The following MUC5AC variants were observed in gnomAD, a reference collection of about 807,000 sequenced individuals.
MUC5AC encodes mucin 5AC, oligomeric mucus/gel-forming.
In MUC5AC, 158 loss-of-function variants were observed where a neutral mutation model predicts 169.7. The observed-to-expected ratio is 0.93, with a 90% CI of 0.82 to 1.06. MUC5AC has a LOEUF of 1.06. Among genes scored for constraint, MUC5AC ranks in the 50% least tolerant of loss-of-function variants. MUC5AC has a pLI of 0.00. For missense variants in MUC5AC, 4,359 were observed against 3,089.9 expected (o/e 1.41, Z -9.74); for synonymous variants, 1,975 against 1,237.0 (o/e 1.60, Z -12.52).
Position 1,181,284 on chromosome 11 carries a change from C to G in MUC5AC, c.3834C>G (p.Thr1278=), listed in dbSNP as rs971481090. The change falls in exon 30 of 49, where the codon ACC becomes ACG. Residue 1278 remains threonine, a synonymous_variant. Coordinates refer to ENST00000621226, the MANE Select transcript of MUC5AC (RefSeq NM_001304359.2). ...CTYKAEACVC[T]YNGQRFHPGD... is the part of the protein sequence containing the mutation. ...CCGTCCCCATAGCCTGTGTCTGCAC[C>G]TACAATGGACAGCGCTTCCACCCAG... 3.3e-5 allele frequency: 13 copies of G among 398,490 alleles called. No homozygotes were observed. The Admixed American group carries it at 5.7e-4, about 18-fold the overall frequency. The allele number at this position is 398,490 out of a possible 1,614,324, so 24.7% of individuals were successfully genotyped here. A position where few individuals can be genotyped will look rare whatever the true frequency, so the allele number is the denominator to read the frequency against.
chr11:1,165,800 G>A (rs2133721648), intron 11 of MUC5AC, 40 bp downstream of exon 11: 6 of 1,607,392 alleles, frequency 3.7e-6, no homozygotes, highest in Non-Finnish European at 4.2e-6. Flanking sequence ...GGACAGAGGG[G>A]GCCCATGGCC....
chr11:1,197,860 G>A (rs1408367304), intron 41 of MUC5AC, 43 bp from the exon 42 acceptor site: 1 of 692,918 alleles, frequency 1.4e-6, no homozygotes, highest in East Asian at 2.7e-5. Flanking sequence ...TTCGGGTGGG[G>A]GCGGGGGACA....
chr11:1,162,632 G>T lies in MUC5AC; in HGVS notation c.574G>T (p.Asp192Tyr). The T allele has an allele frequency of 2.5e-6, 4 of 1,612,670 alleles. No individual in the cohort carries two copies. Among genetic ancestry groups the T allele is most frequent in the African/African-American group, 1.3e-5 (1 of 75,046 alleles). The stretch of plus-strand genomic sequence containing the variant: ...GGGCCTTGTCCTCATGTGGAACCAC[G>T]ATGACAGCCTGCTGGTGAGGCTGGG... ...RLGLVLMWNH[D>Y]DSLLLELDTK... The change falls in exon 5 of 49, where the codon GAT becomes TAT. Residue 192 changes from aspartate (D) to tyrosine (Y), a missense_variant. Physicochemically the swap from Asp to Tyr is radical, Grantham distance 160 (BLOSUM62 -3). Coordinates refer to ENST00000621226, the MANE Select transcript of MUC5AC (RefSeq NM_001304359.2).
Position 1,194,550 on chromosome 11 carries a change from A to T in MUC5AC, c.15070A>T (p.Ile5024Phe), listed in dbSNP as rs755428145. The T allele has an allele frequency of 7.9e-6, 6 of 764,016 alleles. No homozygotes were observed. The highest frequency in any genetic ancestry group is 1.4e-5 in the Non-Finnish European group (6 of 417,372). 47.3% of individuals were successfully genotyped at this position (764,016 alleles called of 1,614,324 possible). ...FRKNGIVVSR[I>F]GVKMYATIPE... Reference sequence around the variant, plus strand: ...GAAAAACGGCATCGTGGTCTCGCGCATCGGCGTCAAGATGTACGCGACCAT... The same window carrying T: ...GAAAAACGGCATCGTGGTCTCGCGCTTCGGCGTCAAGATGTACGCGACCAT... Residue 5024 changes from isoleucine (I) to phenylalanine (F), a missense_variant, in exon 35 of 49, where the codon ATC becomes TTC. By Grantham distance (21) the Ile-to-Phe change is conservative (BLOSUM62 0). Transcript: ENST00000621226.
At chr11:1,170,497 CCACTCACCGACTCAACCATT>C (rs1860476855) in intron 15 of MUC5AC, among the ~76,000 whole-genome samples, 2 of 127,046 alleles carry the variant, frequency 1.6e-5, no homozygotes, top group Non-Finnish European at 3.3e-5. Context: ...ACTCACTCAC[CCACTCACCGACTCAACCATT>C]CACTCACCCA....
At position 1,192,791 on chromosome 11, in the gene MUC5AC, A is replaced by T. The variant is rs768820326; in HGVS notation, c.14389A>T (p.Ile4797Leu). Reference protein sequence around the residue: ...ADRLYPAGSTIYRHRDLAGHC... With the variant: ...ADRLYPAGSTLYRHRDLAGHC... ...GTCCCTTCCTCTTACAGGATCCACCATATACCGCCACAGAGACCTCGCTGG... is the reference window on the plus strand; with the variant it reads ...GTCCCTTCCTCTTACAGGATCCACCTTATACCGCCACAGAGACCTCGCTGG... Residue 4797 changes from isoleucine to leucine, a missense_variant, in exon 32 of 49, where the codon ATA (isoleucine) becomes TTA (leucine). Physicochemically the swap from Ile to Leu is conservative, Grantham distance 5. Coordinates refer to ENST00000621226, the MANE Select transcript of MUC5AC (RefSeq NM_001304359.2). 6 of 759,896 alleles carry T rather than the reference A, an allele frequency of 7.9e-6. No homozygotes were observed. The highest frequency in any genetic ancestry group is 5.1e-5 in the African/African-American group (3 of 58,982). The allele number at this position is 759,896 out of a possible 1,614,324, so 47.1% of individuals were successfully genotyped here. A position where few individuals can be genotyped will look rare whatever the true frequency, so the allele number is the denominator to read the frequency against.
chr11:1,166,296 G>A (rs1419837686), intron 11 of MUC5AC, among the ~76,000 whole-genome samples: 1 of 135,232 alleles, frequency 7.4e-6, no homozygotes, highest in African/African-American at 2.9e-5. Context: ...ATGAGACCCT[G>A]CACCCAACAC....
Position 1,185,412 on chromosome 11 carries a change from G to A in MUC5AC, c.7267G>A (p.Ala2423Thr). 1.4e-6 allele frequency: 1 copy of A among 729,378 alleles called. No homozygotes were observed. Among genetic ancestry groups the A allele is most frequent in the Non-Finnish European group, 2.5e-6 (1 of 400,054 alleles). The allele number at this position is 729,378 out of a possible 1,614,324, so 45.2% of individuals were successfully genotyped here. A position where few individuals can be genotyped will look rare whatever the true frequency, so the allele number is the denominator to read the frequency against. Reference protein sequence around the residue: ...TSAPTTSTTSAPTSSTTSSPQ... With the variant: ...TSAPTTSTTSTPTSSTTSSPQ... ...AGCTCCTACAACCAGCACAACCTCTGCCCCTACAAGCAGCACAACCTCCAG... is the reference window on the plus strand; with the variant it reads ...AGCTCCTACAACCAGCACAACCTCTACCCCTACAAGCAGCACAACCTCCAG... Residue 2423 changes from alanine (A) to threonine (T), a missense_variant, in exon 31 of 49, where the codon GCC becomes ACC. Transcript: ENST00000621226.
intron 42 of MUC5AC, 58 bp from the exon 43 acceptor site, chr11:1,198,210 T>A: frequency 1.4e-6 from 1 of 719,314 alleles, no homozygotes; most frequent in South Asian, 1.4e-5. Context: ...GCGGGAATGC[T>A]GAGGGTGAGG....
rs1461671507 is a variant in MUC5AC at position 1,162,970 on chromosome 11, A to G, written c.604A>G (p.Lys202Glu). ...CCCTTTGCAGCTGGAGCTGGACACC[A>G]AATACGCCAACAAGACCTGTGGGCT... ...DDSLLLELDT[K>E]YANKTCGLCG... The change falls in exon 6 of 49, where the codon AAA (lysine) becomes GAA (glutamate). Residue 202 changes from lysine to glutamate, a missense_variant. Coordinates refer to ENST00000621226, the MANE Select transcript of MUC5AC (RefSeq NM_001304359.2). 1 of 1,612,678 alleles carries G rather than the reference A, an allele frequency of 6.2e-7. No individual in the cohort carries two copies. Among genetic ancestry groups the G allele is most frequent in the Non-Finnish European group, 8.5e-7 (1 of 1,179,846 alleles).
At position 1,174,455 on chromosome 11, in the gene MUC5AC, G is replaced by C; in HGVS notation, c.1966-41G>C. 3 of 1,278,442 alleles carry C rather than the reference G, an allele frequency of 2.3e-6. No homozygotes were observed. The South Asian group carries it at 4.0e-5, about 17-fold the overall frequency. 79.2% of individuals were successfully genotyped at this position (1,278,442 alleles called of 1,614,324 possible). A position where few individuals can be genotyped will look rare whatever the true frequency, so the allele number is the denominator to read the frequency against. On this transcript the variant is annotated intron_variant, in intron 16 of 48. Coordinates refer to ENST00000621226, the MANE Select transcript of MUC5AC (RefSeq NM_001304359.2). Reference sequence around the variant, plus strand: ...AGGGCGTGGGGGGCCACCAGGTGTGGGCTGGGGTCTCTGATGCCCCGATGA... The same window carrying C: ...AGGGCGTGGGGGGCCACCAGGTGTGCGCTGGGGTCTCTGATGCCCCGATGA...
At chr11:1,177,721 A>G in intron 24 of MUC5AC, 88 bp downstream of exon 24, 1 of 396,764 alleles carries the variant, frequency 2.5e-6, no homozygotes. Context: ...CGAGAGGCAC[A>G]GAGACACAGA....
At chr11:1,162,259 G>A (rs958412332) in intron 4 of MUC5AC, 91 bp downstream of exon 4, 85 of 1,518,722 alleles carry the variant, frequency 5.6e-5, no homozygotes, top group Non-Finnish European at 7.3e-5. Context: ...TGGGAGGGAT[G>A]TGGATTTCTC....
intron 37 of MUC5AC, 103 bp from the exon 38 acceptor site, chr11:1,196,285 G>A (rs1861269198): frequency 7.0e-6 from 5 of 712,022 alleles, no homozygotes; most frequent in South Asian, 6.1e-5. Flanking sequence ...AGGCCCACAG[G>A]TGGCTGCGGG....
At position 1,197,884 on chromosome 11, in the gene MUC5AC, C is replaced by T; in HGVS notation, c.16034-19C>T. On this transcript the variant is annotated intron_variant, in intron 41 of 48. Coordinates refer to ENST00000621226, the MANE Select transcript of MUC5AC (RefSeq NM_001304359.2). ...GGGCGGGGGACAGACTCCTAATTGC[C>T]TCACTCCCGCCCCCGCAGCCTGCAA... 1.4e-6 allele frequency: 1 copy of T among 703,468 alleles called. No individual in the cohort carries two copies. Among genetic ancestry groups the T allele is most frequent in the Non-Finnish European group, 2.6e-6 (1 of 386,864 alleles). 43.6% of individuals were successfully genotyped at this position (703,468 alleles called of 1,614,324 possible).
intron 10 of MUC5AC, 77 bp from the exon 11 acceptor site, chr11:1,165,545 G>A (rs1298783719): frequency 8.8e-6 from 14 of 1,594,682 alleles, no homozygotes; most frequent in South Asian, 5.6e-5. Context: ...GGTGAGACCC[G>A]GTCAGCCTCC....
At chr11:1,159,524 A>G (rs1379365978) in intron 1 of MUC5AC, among the ~76,000 whole-genome samples, 1 of 106,608 alleles carries the variant, frequency 9.4e-6, no homozygotes, top group Non-Finnish European at 1.8e-5. Flanking sequence ...TGGTCCCACC[A>G]TGCTGGTTCT....
At position 1,194,100 on chromosome 11, in the gene MUC5AC, G is replaced by A; in HGVS notation, c.14756-10G>A. The A allele has an allele frequency of 1.3e-6, 1 of 763,614 alleles. No homozygotes were observed. The allele number at this position is 763,614 out of a possible 1,614,324, so 47.3% of individuals were successfully genotyped here. On this transcript the variant is annotated splice_polypyrimidine_tract_variant and intron_variant, in intron 33 of 48. Transcript: ENST00000621226. ...GAGCCACCCGTAAGGCTGCCCCTGG[G>A]GCCTGGCAGGTGTGTGCAGCGGCTG...
Position 1,194,522 on chromosome 11 carries a change from C to T in MUC5AC, c.15042C>T (p.Phe5014=), listed in dbSNP as rs1861208736. The T allele has an allele frequency of 2.6e-6, 2 of 762,828 alleles. No individual in the cohort carries two copies. Among genetic ancestry groups the T allele is most frequent in the African/African-American group, 1.7e-5 (1 of 59,100 alleles). The allele number at this position is 762,828 out of a possible 1,614,324, so 47.3% of individuals were successfully genotyped here. The change falls in exon 35 of 49, where the codon TTC becomes TTT. Residue 5014 remains phenylalanine, a synonymous_variant. Coordinates refer to ENST00000621226, the MANE Select transcript of MUC5AC (RefSeq NM_001304359.2). Reference sequence around the variant, plus strand: ...ACAACAAGGTGGTCAGCCCCGGCTTCCGGAAAAACGGCATCGTGGTCTCGC... The same window carrying T: ...ACAACAAGGTGGTCAGCCCCGGCTTTCGGAAAAACGGCATCGTGGTCTCGC... ...IFNNKVVSPG[F]RKNGIVVSRI...
Sources: allele counts gnomAD v4.1 joint callset (sites outside exome capture counted in the v4.1 genomes callset), GRCh38; gene constraint gnomAD v4.1.1; transcripts MANE v1.5; gene names NCBI Gene and HGNC (gene_info 2026-07-23, HGNC 2026-07-21).